NUP85: variants seen among roughly 807,000 people sequenced by gnomAD.
NUP85 encodes nucleoporin 85, also known as nuclear pore complex protein Nup85.
A neutral mutation model predicts 92.8 loss-of-function variants in NUP85; 23 were observed. The observed-to-expected ratio is 0.25, with a 90% CI of 0.18 to 0.35. The LOEUF (loss-of-function observed/expected upper bound fraction) is 0.35, where lower values mean the gene tolerates loss of function less well. Among genes scored for constraint, NUP85 ranks in the 10% least tolerant of loss-of-function variants. NUP85 has a pLI of 1.00. For synonymous variants in NUP85, 314 were observed against 306.9 expected, an observed-to-expected ratio of 1.02 and a Z score of -0.24; for missense variants, 759 against 822.8, an observed-to-expected ratio of 0.92 and a Z score of 0.95.
intron 4 of NUP85, among the ~76,000 whole-genome samples, chr17:75,212,469 GT>G (rs57106942): frequency 1.1e-3 from 87 of 77,452 alleles, no homozygotes; most frequent in African/African-American, 4.6e-3. Context: ...TGTGCCTGGA[GT>G]TTTTTTTTTT....
chr17:75,220,420 G>C (rs554653924), intron 7 of NUP85, among the ~76,000 whole-genome samples: 2 of 150,990 alleles, frequency 1.3e-5, no homozygotes, highest in South Asian at 4.2e-4. Flanking sequence ...ACCATGCCTG[G>C]CCTTTTTTTT....
chr17:75,205,905 C>T (rs72844558), intron 1 of NUP85, 111 bp downstream of exon 1: 17,377 of 1,262,364 alleles, frequency 0.014, 150 homozygotes, highest in Non-Finnish European at 0.017. Context: ...TCGTCCCCTT[C>T]CCTCGACTCA....
intron 1 of NUP85, 125 bp downstream of exon 1, chr17:75,205,919 GC>G: frequency 8.8e-7 from 1 of 1,136,766 alleles, no homozygotes; most frequent in Non-Finnish European, 1.3e-6. Flanking sequence ...CGACTCAGTT[GC>G]CACTTTTCCG....
chr17:75,218,999 C>T (rs935646787), intron 7 of NUP85, among the ~76,000 whole-genome samples: 1 of 152,012 alleles, frequency 6.6e-6, no homozygotes, highest in Non-Finnish European at 1.5e-5. Context: ...TCATCAGTTT[C>T]GAAGTCAGCA....
At chr17:75,229,113 A>C (rs543585032) in intron 11 of NUP85, 83 of 985,336 alleles carry the variant, frequency 8.4e-5, no homozygotes, top group Non-Finnish European at 9.5e-5. Flanking sequence ...CAAGTCCTCC[A>C]AAAGTATCGA....
At chr17:75,225,578 C>A in intron 9 of NUP85, 114 bp downstream of exon 9, 1 of 1,569,342 alleles carries the variant, frequency 6.4e-7, no homozygotes, top group Non-Finnish European at 8.7e-7. Flanking sequence ...TGTCGCTCTG[C>A]CGTGATGGCG....
chr17:75,206,066 C>T (rs553201346), intron 1 of NUP85, among the ~76,000 whole-genome samples: 29 of 152,076 alleles, frequency 1.9e-4, no homozygotes, highest in Non-Finnish European at 3.2e-4. Context: ...TTTTTACTTC[C>T]CTTGCTTTTC....
intron 14 of NUP85, 90 bp from the exon 15 acceptor site, chr17:75,232,761 G>T (rs201056666): frequency 1.4e-5 from 16 of 1,110,570 alleles, no homozygotes; most frequent in Non-Finnish European, 2.2e-5. Context: ...GGTGGAGTGA[G>T]GCTGTGAGGC....
At chr17:75,235,475 A>G (rs775011881) in intron 18 of NUP85, 103 bp from the exon 19 acceptor site, 461 of 767,164 alleles carry the variant, frequency 6.0e-4, no homozygotes, top group Non-Finnish European at 8.7e-4. Flanking sequence ...GGAAGCTACT[A>G]TGAATGTTAA....
At chr17:75,214,628 G>A (rs560801621) in intron 5 of NUP85, among the ~76,000 whole-genome samples, 6 of 152,300 alleles carry the variant, frequency 3.9e-5, no homozygotes, top group African/African-American at 1.4e-4. Context: ...AGAGGCCGAG[G>A]TGGGTGGATC....
chr17:75,222,903 C>T (rs1022613782), intron 7 of NUP85, among the ~76,000 whole-genome samples: 63 of 151,976 alleles, frequency 4.1e-4, no homozygotes, highest in African/African-American at 4.1e-4. Flanking sequence ...GGCATGGTGG[C>T]AGGCGCCTGT....
Position 75,231,982 on chromosome 17 carries a change from GAGCTGGCCCTGCTCCC to G in NUP85, c.1396+7_1396+22del. 6.2e-7 allele frequency: 1 copy of G among 1,614,062 alleles called. No homozygotes were observed. Among genetic ancestry groups the G allele is most frequent in the Non-Finnish European group, 8.5e-7 (1 of 1,180,014 alleles). ...GCAGCGGCAGATGACTGAACAAGGT[GAGCTGGCCCTGCTCCC>G]AGCCTACTGTCTGTGGGACGCAGGA... On this transcript the variant is annotated splice_donor_5th_base_variant and intron_variant, in intron 14 of 18. Coordinates refer to ENST00000245544, the MANE Select transcript of NUP85 (RefSeq NM_024844.5). The surrounding 1 kb of genome is among the most constrained non-coding windows in gnomAD (Gnocchi z 4.6).
Position 75,231,695 on chromosome 17 carries a change from A to G in NUP85, c.1244+57A>G. On this transcript the variant is annotated intron_variant, in intron 13 of 18. Transcript: ENST00000245544. The surrounding 1 kb of genome is among the most constrained non-coding windows in gnomAD (Gnocchi z 4.6). The stretch of plus-strand genomic sequence containing the variant: ...GGGTGCTCTTCAGCATGCGGGTGCC[A>G]TTGGAGCTTGGACTGTTCTCTCCCA... 6.2e-7 allele frequency: 1 copy of G among 1,607,652 alleles called. No homozygotes were observed. The highest frequency in any genetic ancestry group is 1.1e-5 in the South Asian group (1 of 90,898).
chr17:75,229,384 T>C (rs987651895), intron 11 of NUP85, among the ~76,000 whole-genome samples: 3 of 152,078 alleles, frequency 2.0e-5, no homozygotes, highest in African/African-American at 7.2e-5. Flanking sequence ...AAACAGCTCA[T>C]TTGGGGCTAC....
In NUP85 at chr17:75,225,338, T is replaced by C. The variant is rs1447958319; in HGVS notation, c.733-4T>C. 6.2e-7 allele frequency: 1 copy of C among 1,614,176 alleles called. No individual in the cohort carries two copies. Among genetic ancestry groups the C allele is most frequent in the Middle Eastern group, 1.6e-4 (1 of 6,062 alleles). ...TGACGTCTCATGGCTGGTCTCTCCC[T>C]TAGCCCGGGAACACCCAGACACTGA... On this transcript the variant is annotated splice_polypyrimidine_tract_variant and splice_region_variant and intron_variant, in intron 8 of 18. Transcript: ENST00000245544.
At chr17:75,232,148 G>A (rs1297619985) in intron 14 of NUP85, 169 bp downstream of exon 14, 1 of 700,122 alleles carries the variant, frequency 1.4e-6, no homozygotes, top group Non-Finnish European at 2.3e-6. Context: ...TTACTTGGGA[G>A]GGACAGGAAA....
intron 1 of NUP85, 82 bp from the exon 2 acceptor site, chr17:75,208,440 CAAAAA>C (rs10579016): frequency 0.016 from 9,091 of 557,338 alleles, 3 homozygotes; most frequent in Middle Eastern, 0.022. Context: ...GTCTTTGTCT[CAAAAA>C]AAAAAAAAAA....
At chr17:75,229,923 C>A (rs2075979706) in intron 11 of NUP85, among the ~76,000 whole-genome samples, 1 of 152,108 alleles carries the variant, frequency 6.6e-6, no homozygotes, top group Non-Finnish European at 1.5e-5. Context: ...ATCTGGGTAG[C>A]AACAGCTGTT....
At chr17:75,230,060 T>TTG (rs2075985614) in intron 11 of NUP85, among the ~76,000 whole-genome samples, 2 of 151,700 alleles carry the variant, frequency 1.3e-5, no homozygotes, top group Admixed American at 6.6e-5. Context: ...TTTTTTTTTT[T>TTG]GGAGACAGAG....
Sources: allele counts gnomAD v4.1 joint callset (sites outside exome capture counted in the v4.1 genomes callset), GRCh38; gene constraint gnomAD v4.1.1; non-coding constraint Gnocchi (gnomAD v3.1); transcripts MANE v1.5; gene names NCBI Gene and HGNC (gene_info 2026-07-23, HGNC 2026-07-21).